ZFAT: variants seen among roughly 807,000 people sequenced by gnomAD.
ZFAT encodes zinc finger protein ZFAT.
ZFAT carries 64 observed loss-of-function variants against 117.7 expected under a neutral mutation model. That is an observed-to-expected ratio of 0.54 (90% CI 0.44 to 0.67). ZFAT has a LOEUF of 0.67. Among genes scored for constraint, ZFAT ranks in the 30% least tolerant of loss-of-function variants. ZFAT has a pLI of 0.00. For missense variants in ZFAT, 1,433 were observed against 1,584.5 expected, an observed-to-expected ratio of 0.90 and a Z score of 1.62; for synonymous variants, 679 against 615.0, an observed-to-expected ratio of 1.10 and a Z score of -1.54.
the ZFAT span, among the ~76,000 whole-genome samples, chr8:134,818,688 C>A: frequency 7.9e-5 from 12 of 152,312 alleles, no homozygotes; most frequent in East Asian, 2.3e-3. Context: ...ACACTGGAAT[C>A]AACCCAAATA....
At chr8:134,711,262 C>T (rs1425052314) in intron 1 of ZFAT, among the ~76,000 whole-genome samples, 1 of 152,348 alleles carries the variant, frequency 6.6e-6, no homozygotes, top group South Asian at 2.1e-4. Flanking sequence ...AGCTACTGCG[C>T]CCGGCTATGG....
rs1002751975 is a variant in ZFAT, at chr8:134,512,244, C to T, written c.3361+231G>A. On this transcript the variant is annotated intron_variant, in intron 14 of 15. Transcript: ENST00000377838. The stretch of plus-strand genomic sequence containing the variant: ...TAAATGTGGTAAGAGATGTGAGGGA[C>T]TCTTGCGGCCCTGTTCGAAGGCTTT... Among the ~76,000 whole-genome samples the T allele has an allele frequency of 1.4e-4, 22 of 152,228 alleles. 1 individual carries two copies. The highest frequency in any genetic ancestry group is 3.1e-4 in the Non-Finnish European group (21 of 68,044).
chr8:134,488,329 G>C (rs1275341882), intron 15 of ZFAT, among the ~76,000 whole-genome samples: 1 of 152,230 alleles, frequency 6.6e-6, no homozygotes, highest in East Asian at 1.9e-4. Context: ...CTAACATGGG[G>C]AACAGGTGTG....
the ZFAT span, among the ~76,000 whole-genome samples, chr8:134,760,732 T>A: frequency 6.6e-6 from 1 of 152,222 alleles, no homozygotes; most frequent in Non-Finnish European, 1.5e-5. Context: ...TGTGCAGCAT[T>A]GGGCTAGGTT....
the ZFAT span, among the ~76,000 whole-genome samples, chr8:134,741,616 T>G: frequency 4.6e-5 from 7 of 152,290 alleles, no homozygotes; most frequent in Non-Finnish European, 8.8e-5. Context: ...ACAGTCTTCC[T>G]GGGTAACAGA....
At chr8:134,633,632 C>T (rs888245114) in intron 3 of ZFAT, among the ~76,000 whole-genome samples, 1 of 152,224 alleles carries the variant, frequency 6.6e-6, no homozygotes, top group African/African-American at 2.4e-5. Flanking sequence ...AAAGCACAGA[C>T]CCTGGAGCCA....
chr8:134,516,682 T>A (rs1327547014), intron 13 of ZFAT, among the ~76,000 whole-genome samples: 4 of 151,886 alleles, frequency 2.6e-5, no homozygotes, highest in Non-Finnish European at 5.9e-5. Context: ...TTTTAAAAAA[T>A]TTCAAAAAAT....
At chr8:134,610,241 A>G (rs1373921799) in intron 4 of ZFAT, among the ~76,000 whole-genome samples, 1 of 152,224 alleles carries the variant, frequency 6.6e-6, no homozygotes, top group Non-Finnish European at 1.5e-5. Flanking sequence ...CTGTGGGACT[A>G]CAGCAAGAGC....
At chr8:134,588,905 G>T (rs1447284468) in intron 8 of ZFAT, among the ~76,000 whole-genome samples, 1 of 152,206 alleles carries the variant, frequency 6.6e-6, no homozygotes, top group African/African-American at 2.4e-5. Context: ...TAACATGGTG[G>T]TTATGTTGAA....
chr8:134,664,909 G>A (rs1380730103), intron 1 of ZFAT, among the ~76,000 whole-genome samples: 5 of 152,224 alleles, frequency 3.3e-5, no homozygotes, highest in Admixed American at 3.3e-4. Flanking sequence ...AGAAAATCAC[G>A]AAAGTTTGGG....
chr8:134,791,372 CA>C, the ZFAT span, among the ~76,000 whole-genome samples: 3 of 152,124 alleles, frequency 2.0e-5, no homozygotes, highest in East Asian at 5.8e-4. Flanking sequence ...ATAGTCAGGC[CA>C]TATCTCTTGC....
the ZFAT span, among the ~76,000 whole-genome samples, chr8:134,808,030 C>T: frequency 3.3e-5 from 5 of 152,180 alleles, no homozygotes; most frequent in African/African-American, 7.2e-5. Flanking sequence ...CATCCTTATG[C>T]AGTAACTACT....
chr8:134,712,725 GGCGGCCGGCGGCCGGCGGC>G (rs1224128048), intron 1 of ZFAT, 101 bp downstream of exon 1: 33 of 750,484 alleles, frequency 4.4e-5, no homozygotes, highest in Non-Finnish European at 5.3e-5. Flanking sequence ...CTCCGCGGCC[GGCGGCCGGCGGCCGGCGGC>G]CGGCGCACTG....
At chr8:134,742,883 G>T in the ZFAT span, among the ~76,000 whole-genome samples, 3 of 152,194 alleles carry the variant, frequency 2.0e-5, no homozygotes, top group East Asian at 5.8e-4. Context: ...CAAGCTCTAA[G>T]GGGAGGGCCC....
At chr8:134,611,851 A>C (rs1828355226) in intron 3 of ZFAT, among the ~76,000 whole-genome samples, 1 of 152,222 alleles carries the variant, frequency 6.6e-6, no homozygotes, top group South Asian at 2.1e-4. Flanking sequence ...TGCAGACAGC[A>C]AAGTCAACGG....
intron 11 of ZFAT, 37 bp downstream of exon 11, chr8:134,565,296 G>T (rs779573570): frequency 8.7e-6 from 14 of 1,609,802 alleles, no homozygotes; most frequent in Non-Finnish European, 1.2e-5. Context: ...CGCCTTTTTT[G>T]TCTGAACATC....
the ZFAT span, among the ~76,000 whole-genome samples, chr8:134,801,999 C>A: frequency 6.6e-6 from 1 of 152,178 alleles, no homozygotes; most frequent in African/African-American, 2.4e-5. Context: ...CAGGGCCCAG[C>A]AATCTGTGTT....
chr8:134,506,798 T>G (rs1482192894), intron 15 of ZFAT, among the ~76,000 whole-genome samples: 1 of 152,248 alleles, frequency 6.6e-6, no homozygotes, highest in Non-Finnish European at 1.5e-5. Context: ...AGAATTTGTT[T>G]TGTTTTTGGT....
intron 11 of ZFAT, among the ~76,000 whole-genome samples, chr8:134,557,297 C>T (rs1452917873): frequency 1.3e-5 from 2 of 152,112 alleles, no homozygotes; most frequent in African/African-American, 2.4e-5. Flanking sequence ...TCAAAACTTC[C>T]AAGGTCATCA....
Sources: allele counts gnomAD v4.1 joint callset (sites outside exome capture counted in the v4.1 genomes callset), GRCh38; gene constraint gnomAD v4.1.1; transcripts MANE v1.5; gene names NCBI Gene and HGNC (gene_info 2026-07-23, HGNC 2026-07-21).